EBF1: variants seen among roughly 807,000 people sequenced by gnomAD.
EBF1 encodes the protein transcription factor COE1.
In EBF1, 10 loss-of-function variants were observed where a neutral mutation model predicts 68.4. The observed-to-expected ratio is 0.15, with a 90% CI of 0.09 to 0.25. The LOEUF (loss-of-function observed/expected upper bound fraction) is 0.25. Among genes scored for constraint, EBF1 ranks in the 10% least tolerant of loss-of-function variants. The pLI is 1.00. For synonymous variants in EBF1, 298 were observed against 299.8 expected, an observed-to-expected ratio of 0.99 and a Z score of 0.06; for missense variants, 509 against 794.4, an observed-to-expected ratio of 0.64 and a Z score of 4.32.
chr5:158,704,417 T>C (rs555883087), intron 15 of EBF1, among the ~76,000 whole-genome samples: 13 of 152,338 alleles, frequency 8.5e-5, no homozygotes, highest in African/African-American at 2.9e-4. Flanking sequence ...AACACTTAAA[T>C]GGCCTAAATG....
At chr5:159,063,195 T>C (rs1401059751) in intron 6 of EBF1, among the ~76,000 whole-genome samples, 2 of 152,154 alleles carry the variant, frequency 1.3e-5, no homozygotes, top group Non-Finnish European at 2.9e-5. Flanking sequence ...GCTTACAACC[T>C]ACCCTCCAAA....
At chr5:158,748,142 A>G (rs1478469984) in intron 10 of EBF1, among the ~76,000 whole-genome samples, 1 of 152,190 alleles carries the variant, frequency 6.6e-6, no homozygotes, top group Non-Finnish European at 1.5e-5. Context: ...CTACATAAAG[A>G]CTTGACTTGG....
chr5:159,028,331 T>C (rs1041361503), intron 6 of EBF1, among the ~76,000 whole-genome samples: 3 of 152,144 alleles, frequency 2.0e-5, no homozygotes, highest in African/African-American at 7.2e-5. Flanking sequence ...CCAATAAATA[T>C]ACTGCTGGAC....
intron 11 of EBF1, among the ~76,000 whole-genome samples, chr5:158,720,981 A>G (rs1761820979): frequency 6.6e-6 from 1 of 151,870 alleles, no homozygotes; most frequent in Non-Finnish European, 1.5e-5. Context: ...CTTTTTGCCC[A>G]GAGTCTTTTT....
intron 6 of EBF1, among the ~76,000 whole-genome samples, chr5:158,978,779 TACAC>T (rs373321443): frequency 6.9e-5 from 9 of 130,172 alleles, no homozygotes; most frequent in Admixed American, 4.9e-4. Context: ...GAATTGAAGA[TACAC>T]ACACACACAC....
chr5:158,814,235 T>TG (rs1783257640), intron 8 of EBF1, among the ~76,000 whole-genome samples: 1 of 152,124 alleles, frequency 6.6e-6, no homozygotes, highest in Admixed American at 6.5e-5. Flanking sequence ...CCCAGCTACT[T>TG]GGGAAGCTGA....
chr5:158,826,906 C>T (rs1447273424), intron 7 of EBF1, among the ~76,000 whole-genome samples: 2 of 152,118 alleles, frequency 1.3e-5, no homozygotes, highest in Admixed American at 6.5e-5. Flanking sequence ...TTCCAATCCC[C>T]CTCTATTTAG....
chr5:158,892,939 G>C (rs529644398), intron 6 of EBF1, among the ~76,000 whole-genome samples: 2 of 151,844 alleles, frequency 1.3e-5, no homozygotes, highest in African/African-American at 4.8e-5. Context: ...TATACATAAG[G>C]TTATTCCTTT....
chr5:158,936,093 T>G (rs1404775785), intron 6 of EBF1, among the ~76,000 whole-genome samples: 1 of 152,232 alleles, frequency 6.6e-6, no homozygotes, highest in Non-Finnish European at 1.5e-5. Flanking sequence ...TAAATATATG[T>G]GCATGTTCCC....
At chr5:158,992,868 T>C (rs1372199239) in intron 6 of EBF1, among the ~76,000 whole-genome samples, 1 of 151,808 alleles carries the variant, frequency 6.6e-6, no homozygotes, top group Non-Finnish European at 1.5e-5. Flanking sequence ...TGTAATTTTA[T>C]AGGATTTATC....
chr5:159,034,783 G>C (rs1181275202), intron 6 of EBF1, among the ~76,000 whole-genome samples: 2 of 152,016 alleles, frequency 1.3e-5, no homozygotes, highest in Non-Finnish European at 2.9e-5. Flanking sequence ...CTCAATGCAA[G>C]ATTTCAATCC....
At chr5:158,850,217 G>C (rs1046211548) in intron 6 of EBF1, among the ~76,000 whole-genome samples, 5 of 152,176 alleles carry the variant, frequency 3.3e-5, no homozygotes, top group Admixed American at 1.3e-4. Flanking sequence ...AAATTCTACA[G>C]ACCATTCTGT....
chr5:158,826,593 T>C (rs997726020), intron 7 of EBF1, among the ~76,000 whole-genome samples: 1 of 152,238 alleles, frequency 6.6e-6, no homozygotes, highest in South Asian at 2.1e-4. Flanking sequence ...GATTTATACA[T>C]ATATGCTTTA....
At chr5:159,077,982 C>T (rs1474960735) in intron 5 of EBF1, among the ~76,000 whole-genome samples, 1 of 152,068 alleles carries the variant, frequency 6.6e-6, no homozygotes, top group Non-Finnish European at 1.5e-5. Flanking sequence ...TCAAGCAATC[C>T]ACCCAGCTCG....
chr5:159,036,605 T>G (rs1231579608), intron 6 of EBF1, among the ~76,000 whole-genome samples: 1 of 92,404 alleles, frequency 1.1e-5, no homozygotes, highest in African/African-American at 4.7e-5. Context: ...TAGCCATATG[T>G]AGAAAGCTGA....
chr5:158,720,787 T>C (rs1289000459), intron 11 of EBF1, among the ~76,000 whole-genome samples: 2 of 152,068 alleles, frequency 1.3e-5, no homozygotes, highest in Non-Finnish European at 2.9e-5. Context: ...TAAATTGAAA[T>C]GGAAAGGAGG....
chr5:158,731,264 A>T, intron 10 of EBF1, 107 bp from the exon 11 acceptor site: 1 of 986,000 alleles, frequency 1.0e-6, no homozygotes, highest in Admixed American at 2.3e-5. Context: ...AGTTTAACTG[A>T]TACTTTTGAA....
intron 6 of EBF1, among the ~76,000 whole-genome samples, chr5:158,960,029 A>T (rs947657657): frequency 2.0e-5 from 3 of 152,106 alleles, no homozygotes; most frequent in African/African-American, 7.2e-5. Context: ...AAGACATAAT[A>T]CCACACTCAC....
chr5:158,892,421 G>A (rs549500444), intron 6 of EBF1, among the ~76,000 whole-genome samples: 15 of 152,064 alleles, frequency 9.9e-5, no homozygotes, highest in South Asian at 2.1e-4. Context: ...CCCGGGAGGC[G>A]GAGGCTTCAG....
Sources: gnomAD v4.1 joint callset for allele counts (sites outside exome capture counted in the v4.1 genomes callset) on GRCh38, gnomAD v4.1.1 for gene constraint, MANE v1.5 for transcripts, NCBI Gene and HGNC (gene_info 2026-07-23, HGNC 2026-07-21) for gene names.